Variants in MAN2A2 observed in about 807,000 individuals in gnomAD.
The protein encoded by MAN2A2 is mannosidase alpha class 2A member 2, also known as alpha-mannosidase 2x.
MAN2A2 carries 79 observed loss-of-function variants against 126.8 expected under a neutral mutation model. The observed-to-expected ratio is 0.62, with a 90% CI of 0.52 to 0.75. MAN2A2 has a LOEUF of 0.75. MAN2A2 is among the 30% of genes least tolerant of loss of function. The pLI is 0.00. For synonymous variants in MAN2A2, 671 were observed against 618.7 expected (o/e 1.08, Z -1.25); for missense variants, 1,392 against 1,522.4 (o/e 0.91, Z 1.43).
intron 11 of MAN2A2, 38 bp from the exon 12 acceptor site, chr15:90,910,809 G>A (rs1261704696): frequency 6.2e-7 from 1 of 1,604,476 alleles, no homozygotes; most frequent in East Asian, 2.2e-5. Context: ...CTTCCCTATG[G>A]TCATCTTCTC....
chr15:90,910,257 C>T lies in MAN2A2; in HGVS notation c.1542C>T (p.Tyr514=). Residue 514 remains tyrosine (Y), a synonymous_variant, in exon 10 of 23, where the codon TAC becomes TAT. Transcript: ENST00000559717. ...WTGYYTSRPF[Y]KSLDRVLEAH... Reference sequence around the variant, plus strand: ...GCTATTACACTTCCCGGCCCTTCTACAAGAGCTTAGACCGAGTCCTGGAAG... The same window carrying T: ...GCTATTACACTTCCCGGCCCTTCTATAAGAGCTTAGACCGAGTCCTGGAAG... 1 of 1,614,210 alleles carries T rather than the reference C, an allele frequency of 6.2e-7. No individual in the cohort carries two copies. Among genetic ancestry groups the T allele is most frequent in the Non-Finnish European group, 8.5e-7 (1 of 1,180,038 alleles).
chr15:90,913,387 C>G lies in MAN2A2; in HGVS notation c.2699C>G (p.Thr900Arg), dbSNP rs1260912292. ...ATCGACAGCCAGGGTATCTTCTTCA[C>G]AGACCTCAATGGCTTTCAGGTGACT... ...TDIDSQGIFF[T>R]DLNGFQVQPR... The change falls in exon 18 of 23, where the codon ACA becomes AGA. Residue 900 changes from threonine to arginine, a missense_variant. Transcript: ENST00000559717. The G allele has an allele frequency of 1.3e-6, 2 of 1,593,956 alleles. No homozygotes were observed. The highest frequency in any genetic ancestry group is 1.1e-5 in the South Asian group (1 of 90,666).
Position 90,906,847 on chromosome 15 carries a change from C to T in MAN2A2, c.943C>T (p.His315Tyr). Residue 315 changes from histidine (H) to tyrosine (Y), a missense_variant, in exon 7 of 23, where the codon CAC becomes TAC. By Grantham distance (83) the His-to-Tyr change is moderately conservative. Transcript: ENST00000559717. ...NLTSMLIQRV[H>Y]YAIKKHFAAT... ...CACCAGCATGCTGATTCAGAGAGTG[C>T]ACTATGCCATCAAGAAGCACTTTGC... 1 of 1,614,090 alleles carries T rather than the reference C, an allele frequency of 6.2e-7. No homozygotes were observed. Among genetic ancestry groups the T allele is most frequent in the African/African-American group, 1.3e-5 (1 of 75,028 alleles).
chr15:90,904,346 C>A lies in MAN2A2; in HGVS notation c.132+7C>A, dbSNP rs201522267. On this transcript the variant is annotated splice_region_variant and intron_variant, in intron 2 of 22. Coordinates refer to ENST00000559717, the MANE Select transcript of MAN2A2 (RefSeq NM_006122.4). ...TGGTGGGAACTTCCCCCGGGTGAGT[C>A]GTGCCTGGTTGCTAATTTCTTTGTA... 3.2e-5 allele frequency: 52 copies of A among 1,612,054 alleles called. 1 individual carries two copies. In the African/African-American group the frequency reaches 6.0e-4, roughly 19 times the overall value.
In MAN2A2 at chr15:90,912,041, A is replaced by T; in HGVS notation, c.2110-2A>T. 6.2e-7 allele frequency: 1 copy of T among 1,610,528 alleles called. No individual in the cohort carries two copies. The highest frequency in any genetic ancestry group is 8.5e-7 in the Non-Finnish European group (1 of 1,178,744). ...ACTTCCTCACCCCTCCTGTGCCCAC[A>T]GGTGTCTGTGCCTGTCCGCCTGCCA... On this transcript the variant is annotated splice_acceptor_variant, in intron 14 of 22. Coordinates refer to ENST00000559717, the MANE Select transcript of MAN2A2 (RefSeq NM_006122.4). LOFTEE classifies it high-confidence loss of function.
At chr15:90,915,225 C>T (rs920529424) in intron 19 of MAN2A2, among the ~76,000 whole-genome samples, 2 of 152,300 alleles carry the variant, frequency 1.3e-5, no homozygotes, top group South Asian at 2.1e-4. Context: ...ACAAGGGATC[C>T]GTTTTAGGGT....
chr15:90,906,038 A>G (rs370101818), intron 5 of MAN2A2, 22 bp downstream of exon 5: 9 of 1,612,806 alleles, frequency 5.6e-6, no homozygotes, highest in African/African-American at 2.7e-5. Context: ...GCGGGGAGGC[A>G]TGGGAGGGCA....
At chr15:90,916,092 G>C (rs1257534612) in intron 19 of MAN2A2, 31 bp from the exon 20 acceptor site, 1 of 1,608,350 alleles carries the variant, frequency 6.2e-7, no homozygotes, top group African/African-American at 1.3e-5. Context: ...GGGGGTGGGG[G>C]CGGGCCAGCA....
rs1404100763 is a variant in MAN2A2, at chr15:90,921,186, G to A, written c.*1399G>A. The stretch of plus-strand genomic sequence containing the variant: ...TTGTAGACAATAAAACTGCCTACCT[G>A]TAAAACCTAAGAATCAACTGAAGAC... On this transcript the variant is annotated 3_prime_UTR_variant, in exon 23 of 23. Coordinates refer to ENST00000559717, the MANE Select transcript of MAN2A2 (RefSeq NM_006122.4). 8 of 152,220 alleles carry A rather than the reference G, an allele frequency of 5.3e-5. No homozygotes were observed. The highest frequency in any genetic ancestry group is 1.2e-4 in the Non-Finnish European group (8 of 68,048). 9.4% of individuals were successfully genotyped at this position (152,220 alleles called of 1,614,324 possible). A position where few individuals can be genotyped will look rare whatever the true frequency, so the allele number is the denominator to read the frequency against.
At chr15:90,910,812 A>G in intron 11 of MAN2A2, 35 bp from the exon 12 acceptor site, 1 of 1,604,472 alleles carries the variant, frequency 6.2e-7, no homozygotes, top group Non-Finnish European at 8.5e-7. Flanking sequence ...CCCTATGGTC[A>G]TCTTCTCTCC....
chr15:90,911,289 C>T (rs965636371), intron 13 of MAN2A2, 51 bp downstream of exon 13: 1 of 1,612,310 alleles, frequency 6.2e-7, no homozygotes, highest in Admixed American at 1.7e-5. Flanking sequence ...CCCTGGCTCT[C>T]AGGCCCCTCT....
chr15:90,917,834 G>A (rs1013883110), intron 20 of MAN2A2: 6 of 205,358 alleles, frequency 2.9e-5, no homozygotes, highest in South Asian at 1.0e-4. Flanking sequence ...TTGGAGGTCC[G>A]TGCTCCATGG....
intron 12 of MAN2A2, 22 bp downstream of exon 12, chr15:90,910,983 A>G: frequency 6.3e-7 from 1 of 1,594,898 alleles, no homozygotes; most frequent in Non-Finnish European, 8.6e-7. Context: ...CTGGGTCTGC[A>G]TGGGGACCCT....
chr15:90,905,623 T>G lies in MAN2A2; in HGVS notation c.435T>G (p.Gly145=), dbSNP rs1473510832. ...SEELPFDNVD[G]GVWRQGFDIS... is the part of the protein sequence containing the mutation. ...AGCTGCCGTTTGACAACGTGGATGG[T>G]GGTGTGTGGAGGCAAGGCTTCGACA... The change falls in exon 4 of 23, where the codon GGT becomes GGG. Residue 145 remains glycine, a synonymous_variant. Coordinates refer to ENST00000559717, the MANE Select transcript of MAN2A2 (RefSeq NM_006122.4). 2 of 1,613,852 alleles carry G rather than the reference T, an allele frequency of 1.2e-6. No individual in the cohort carries two copies. Among genetic ancestry groups the G allele is most frequent in the African/African-American group, 2.7e-5 (2 of 74,840 alleles).
chr15:90,911,237 AG>A lies in MAN2A2; in HGVS notation c.1943+1del. The A allele has an allele frequency of 1.2e-6, 2 of 1,614,000 alleles. No homozygotes were observed. The highest frequency in any genetic ancestry group is 1.7e-6 in the Non-Finnish European group (2 of 1,179,962). ...RTVIQLDSSP[R>X]FVVLFNPLEQ... ...GGTGATCCAGCTGGATTCCTCGCCC[AG>A]GTAACCTGGACTACGCCATGTGCAG... On this transcript the variant is annotated frameshift_variant and splice_region_variant, in exon 13 of 23. Coordinates refer to ENST00000559717, the MANE Select transcript of MAN2A2 (RefSeq NM_006122.4). LOFTEE classifies it high-confidence loss of function.
rs944566536 is a variant in MAN2A2 at position 90,911,937 on chromosome 15, C to T, written c.2110-106C>T. 9 of 896,208 alleles carry T rather than the reference C, an allele frequency of 1.0e-5. No homozygotes were observed. The Admixed American group carries it at 1.2e-4, about 12-fold the overall frequency. 55.5% of individuals were successfully genotyped at this position (896,208 alleles called of 1,614,324 possible). A position where few individuals can be genotyped will look rare whatever the true frequency, so the allele number is the denominator to read the frequency against. On this transcript the variant is annotated intron_variant, in intron 14 of 22. Transcript: ENST00000559717. ...CCACTTTGGAGGAGGGGCAGAGGCC[C>T]AGCGGGTGCAGGGGCTTGCTCAAGC... is the stretch of plus-strand genomic sequence containing the variant.
rs750301277 is a variant in MAN2A2 at position 90,911,342 on chromosome 15, C to T, written c.1944-43C>T. On this transcript the variant is annotated intron_variant, in intron 13 of 22. Coordinates refer to ENST00000559717, the MANE Select transcript of MAN2A2 (RefSeq NM_006122.4). ...ACCAGTGCAGGGCGCTTGCCCTGGT[C>T]GGAAGCAGCAGCCTCCTGGGTCAGC... 1.5e-5 allele frequency: 24 copies of T among 1,613,026 alleles called. No homozygotes were observed. In the East Asian group the frequency reaches 2.0e-4, roughly 13 times the overall value.
rs1195374068 is a variant in MAN2A2, at chr15:90,906,512, A to C, written c.835+15A>C. The C allele has an allele frequency of 6.2e-7, 1 of 1,614,132 alleles. No individual in the cohort carries two copies. The highest frequency in any genetic ancestry group is 1.3e-5 in the African/African-American group (1 of 75,058). The stretch of plus-strand genomic sequence containing the variant: ...GAGAAATCTTGGTAAGTCCAGGCCC[A>C]GGCATGGGGGTCTGCCCCCTGGGCT... On this transcript the variant is annotated intron_variant, in intron 6 of 22. Coordinates refer to ENST00000559717, the MANE Select transcript of MAN2A2 (RefSeq NM_006122.4).
At position 90,913,377 on chromosome 15, in the gene MAN2A2, A is replaced by G. The variant is rs148391309; in HGVS notation, c.2689A>G (p.Ile897Val). ...HIHTDIDSQG[I>V]FFTDLNGFQV... ...CCATACAGACATCGACAGCCAGGGT[A>G]TCTTCTTCACAGACCTCAATGGCTT... is the stretch of plus-strand genomic sequence containing the variant. The change falls in exon 18 of 23, where the codon ATC (isoleucine) becomes GTC (valine). Residue 897 changes from isoleucine to valine, a missense_variant. Ile to Val is a conservative substitution (Grantham distance 29). Coordinates refer to ENST00000559717, the MANE Select transcript of MAN2A2 (RefSeq NM_006122.4). 17,577 of 1,598,908 alleles carry G rather than the reference A, an allele frequency of 0.011. 137 individuals are homozygous for G. The highest frequency in any genetic ancestry group is 0.015 in the Middle Eastern group (92 of 6,034).
Sources: gnomAD v4.1 joint callset for allele counts (sites outside exome capture counted in the v4.1 genomes callset) on GRCh38, gnomAD v4.1.1 for gene constraint, MANE v1.5 for transcripts, NCBI Gene and HGNC (gene_info 2026-07-23, HGNC 2026-07-21) for gene names.